Variants in MRAP2 observed in about 807,000 individuals in gnomAD.
MRAP2 encodes melanocortin 2 receptor accessory protein 2.
MRAP2 carries 20 observed loss-of-function variants against 17.4 expected under a neutral mutation model. The observed-to-expected ratio is 1.15, with a 90% CI of 0.81 to 1.67. The LOEUF (loss-of-function observed/expected upper bound fraction) is 1.67. MRAP2 is among the 40% of genes most tolerant of loss of function. The probability of loss-of-function intolerance (pLI) is 0.00; values close to 1 mark genes in which losing one functional copy is unlikely to be tolerated. For synonymous variants in MRAP2, 96 were observed against 88.4 expected, an observed-to-expected ratio of 1.09 and a Z score of -0.48; for missense variants, 238 against 240.0, an observed-to-expected ratio of 0.99 and a Z score of 0.05.
upstream of MRAP2, chr6:84,033,770 C>G (rs1220706304): frequency 2.0e-6 from 2 of 986,232 alleles, no homozygotes; most frequent in Non-Finnish European, 2.4e-6. Context: ...GATCTAGGAG[C>G]TACTCGCCCG....
the MRAP2 span, among the ~76,000 whole-genome samples, chr6:84,123,872 A>T: frequency 1.3e-5 from 2 of 152,198 alleles, no homozygotes; most frequent in Non-Finnish European, 2.9e-5. Flanking sequence ...ACAATAAGAA[A>T]AACCCCAAAC....
the MRAP2 span, among the ~76,000 whole-genome samples, chr6:84,097,852 A>T: frequency 6.6e-6 from 1 of 152,182 alleles, no homozygotes; most frequent in Non-Finnish European, 1.5e-5. Context: ...CTTCCATGAG[A>T]GATGTATTCC....
intron 3 of MRAP2, among the ~76,000 whole-genome samples, chr6:84,083,706 C>T (rs186812361): frequency 5.3e-4 from 81 of 152,178 alleles, no homozygotes; most frequent in Middle Eastern, 6.8e-3. Context: ...ACTAAAAACA[C>T]GTGGGTTAGT....
chr6:84,122,970 C>T, the MRAP2 span, among the ~76,000 whole-genome samples: 4 of 151,618 alleles, frequency 2.6e-5, no homozygotes, highest in Non-Finnish European at 1.5e-5. Flanking sequence ...GAACTCAATC[C>T]CATTTATAAT....
chr6:84,117,025 T>G, the MRAP2 span, among the ~76,000 whole-genome samples: 8 of 152,044 alleles, frequency 5.3e-5, no homozygotes, highest in Non-Finnish European at 1.2e-4. Flanking sequence ...TTCTTCTTTC[T>G]TTCTATTTTT....
the MRAP2 span, among the ~76,000 whole-genome samples, chr6:84,098,380 C>T: frequency 6.6e-6 from 1 of 152,032 alleles, no homozygotes; most frequent in Non-Finnish European, 1.5e-5. Context: ...ATTTGGGTTA[C>T]TTATAATTTT....
At chr6:84,131,047 T>G in the MRAP2 span, among the ~76,000 whole-genome samples, 696 of 152,378 alleles carry the variant, frequency 4.6e-3, 8 homozygotes, top group African/African-American at 0.016. Flanking sequence ...GAGATTCTGG[T>G]ACGTCATGTC....
the MRAP2 span, among the ~76,000 whole-genome samples, chr6:84,126,680 C>A: frequency 0.053 from 8,074 of 152,096 alleles, 687 homozygotes; most frequent in African/African-American, 0.18. Context: ...GTAAAGGTTC[C>A]TCCTAACTCT....
chr6:84,056,003 T>C (rs1358424257), intron 2 of MRAP2, among the ~76,000 whole-genome samples: 3 of 152,180 alleles, frequency 2.0e-5, no homozygotes, highest in Non-Finnish European at 4.4e-5. Flanking sequence ...CAAGGAAATG[T>C]AATTCTGTGA....
At chr6:84,122,122 A>G in the MRAP2 span, among the ~76,000 whole-genome samples, 1 of 152,112 alleles carries the variant, frequency 6.6e-6, no homozygotes, top group African/African-American at 2.4e-5. Context: ...ATTCACAGCG[A>G]AATTCTACCA....
In MRAP2 at chr6:84,063,094, AG is replaced by A; in HGVS notation, c.227+107del. The A allele has an allele frequency of 4.5e-6, 7 of 1,555,706 alleles. No individual in the cohort carries two copies. In the South Asian group the frequency reaches 6.9e-5, roughly 15 times the overall value. ...GAGGTGCTTCCCGTGGATGAAGAGA[AG>A]GGGGTGGTTATAGATTTGCTGTCTG... On this transcript the variant is annotated intron_variant, in intron 3 of 3. Transcript: ENST00000257776.
chr6:84,049,553 G>A (rs1366355782), intron 1 of MRAP2, among the ~76,000 whole-genome samples: 1 of 152,192 alleles, frequency 6.6e-6, no homozygotes, highest in Non-Finnish European at 1.5e-5. Context: ...CAAACTGCTT[G>A]TCCCCTTTGA....
At chr6:84,086,576 G>A (rs2099500511) in intron 3 of MRAP2, among the ~76,000 whole-genome samples, 1 of 152,200 alleles carries the variant, frequency 6.6e-6, no homozygotes, top group Non-Finnish European at 1.5e-5. Context: ...TATATTGAGT[G>A]TTTAATATTT....
At chr6:84,082,460 C>A (rs994279095) in intron 3 of MRAP2, among the ~76,000 whole-genome samples, 6 of 152,168 alleles carry the variant, frequency 3.9e-5, no homozygotes, top group Non-Finnish European at 7.3e-5. Flanking sequence ...AGTTTTGTCC[C>A]ATTCTTCCTC....
chr6:84,089,252 A>G lies in MRAP2; in HGVS notation c.389A>G (p.Lys130Arg). Residue 130 changes from lysine (K) to arginine (R), a missense_variant, in exon 4 of 4, where the codon AAA (lysine) becomes AGA (arginine). By Grantham distance (26) the Lys-to-Arg change is conservative (BLOSUM62 2). Transcript: ENST00000257776. ...GAGGTGGAACGCTTGGACAGAGCCA[A>G]AGCTTGTCACCAGACCACAGCCCTT... ...INEVERLDRAKACHQTTALDS... is the reference protein window; with the variant it reads ...INEVERLDRARACHQTTALDS... 1 of 1,614,158 alleles carries G rather than the reference A, an allele frequency of 6.2e-7. No individual in the cohort carries two copies. Among genetic ancestry groups the G allele is most frequent in the Non-Finnish European group, 8.5e-7 (1 of 1,180,026 alleles).
In MRAP2 at chr6:84,055,377, A is replaced by G. The variant is rs757329911; in HGVS notation, c.59A>G (p.Asp20Gly). 4 of 1,613,712 alleles carry G rather than the reference A, an allele frequency of 2.5e-6. 1 individual carries two copies. The South Asian group carries it at 4.4e-5, about 18-fold the overall frequency. ...TCCCAGCAATCGGCATCTAATTCTGATTACACCTGGGAATATGAATATTAT... is the reference window on the plus strand; with the variant it reads ...TCCCAGCAATCGGCATCTAATTCTGGTTACACCTGGGAATATGAATATTAT... ...RTSQQSASNS[D>G]YTWEYEYYEI... The change falls in exon 2 of 4, where the codon GAT becomes GGT. Residue 20 changes from aspartate (D) to glycine (G), a missense_variant. Transcript: ENST00000257776.
the MRAP2 span, among the ~76,000 whole-genome samples, chr6:84,115,615 T>C: frequency 2.6e-5 from 4 of 151,730 alleles, no homozygotes; most frequent in African/African-American, 9.7e-5. Context: ...CGGGCACCAC[T>C]GGGGTATGGA....
intron 1 of MRAP2, among the ~76,000 whole-genome samples, chr6:84,038,668 CT>C (rs1163377498): frequency 6.6e-6 from 1 of 151,722 alleles, no homozygotes; most frequent in South Asian, 2.1e-4. Context: ...ATTAAAAAAA[CT>C]TTTTTTGTAG....
the MRAP2 span, among the ~76,000 whole-genome samples, chr6:84,096,200 G>T: frequency 6.6e-6 from 1 of 152,242 alleles, no homozygotes; most frequent in Non-Finnish European, 1.5e-5. Context: ...ATGTATAGGA[G>T]ATTTTAACCT....
Sources: gnomAD v4.1 joint callset for allele counts (sites outside exome capture counted in the v4.1 genomes callset) on GRCh38, gnomAD v4.1.1 for gene constraint, MANE v1.5 for transcripts, NCBI Gene and HGNC (gene_info 2026-07-23, HGNC 2026-07-21) for gene names.